NCAPD3: variants seen among roughly 807,000 people sequenced by gnomAD.
The protein encoded by NCAPD3 is condensin-2 complex subunit D3.
A neutral mutation model predicts 182.9 loss-of-function variants in NCAPD3; 105 were observed. The observed-to-expected ratio is 0.57, with a 90% CI of 0.49 to 0.68. The LOEUF (loss-of-function observed/expected upper bound fraction) is 0.68. Among genes scored for constraint, NCAPD3 ranks in the 30% least tolerant of loss-of-function variants. The pLI, the probability that NCAPD3 is intolerant of heterozygous loss-of-function variation, is 0.00. For missense variants in NCAPD3, 1,944 were observed against 1,837.0 expected, an observed-to-expected ratio of 1.06 and a Z score of -1.07; for synonymous variants, 815 against 679.9, an observed-to-expected ratio of 1.20 and a Z score of -3.09.
intron 13 of NCAPD3, among the ~76,000 whole-genome samples, chr11:134,198,475 C>T (rs1389380051): frequency 1.3e-5 from 2 of 152,168 alleles, no homozygotes; most frequent in Non-Finnish European, 2.9e-5. Flanking sequence ...TGTATAAAAC[C>T]AAGCTGCACC....
intron 13 of NCAPD3, among the ~76,000 whole-genome samples, chr11:134,198,364 T>A (rs1944680118): frequency 7.2e-6 from 1 of 139,736 alleles, no homozygotes; most frequent in African/African-American, 2.7e-5. Context: ...ATTTAAAATC[T>A]ACCTATAAGC....
rs375883008 is a variant in NCAPD3, at chr11:134,223,954, C to T, written c.-28G>A. ...TCCCAGGGCACCGGCTCGCCGCCGC[C>T]GTGCTCAACTTTCAAAGCTCGCTCC... On this transcript the variant is annotated 5_prime_UTR_variant, in exon 1 of 35. Transcript: ENST00000534548. 6 of 1,608,394 alleles carry T rather than the reference C, an allele frequency of 3.7e-6. No homozygotes were observed. Among genetic ancestry groups the T allele is most frequent in the East Asian group, 2.2e-5 (1 of 44,634 alleles).
intron 13 of NCAPD3, among the ~76,000 whole-genome samples, chr11:134,195,163 C>G (rs765524492): frequency 1.8e-4 from 27 of 152,308 alleles, no homozygotes; most frequent in Admixed American, 9.2e-4. Context: ...TACAGTGGTA[C>G]AATCATAGCT....
intron 29 of NCAPD3, 150 bp downstream of exon 29, chr11:134,159,742 G>A (rs1339887185): frequency 1.0e-5 from 8 of 783,046 alleles, no homozygotes; most frequent in African/African-American, 5.2e-5. Context: ...AGAAAGGCAC[G>A]AGGGAGTGGC....
At chr11:134,209,993 T>C (rs1164847949) in intron 4 of NCAPD3, among the ~76,000 whole-genome samples, 2 of 151,982 alleles carry the variant, frequency 1.3e-5, no homozygotes, top group East Asian at 1.9e-4. Flanking sequence ...GAGGTGGAGG[T>C]TGCAGTGAGC....
chr11:134,176,157 G>A, intron 24 of NCAPD3, 150 bp downstream of exon 24: 1 of 625,304 alleles, frequency 1.6e-6, no homozygotes, highest in Non-Finnish European at 2.8e-6. Context: ...ATATTGCTTA[G>A]CATCTTAAAA....
At chr11:134,223,462 ATG>A (rs1418225559) in intron 1 of NCAPD3, 5 of 702,476 alleles carry the variant, frequency 7.1e-6, no homozygotes, top group Non-Finnish European at 1.3e-5. Context: ...TGATGTCTGC[ATG>A]TGAGACATCC....
At chr11:134,179,755 CTAAG>C (rs536233470) in intron 20 of NCAPD3, among the ~76,000 whole-genome samples, 106 of 152,258 alleles carry the variant, frequency 7.0e-4, no homozygotes, top group Middle Eastern at 3.4e-3. Context: ...AGTTTAACAA[CTAAG>C]TAATATTGTT....
At chr11:134,221,163 G>A (rs1938211877) in intron 1 of NCAPD3, among the ~76,000 whole-genome samples, 1 of 152,126 alleles carries the variant, frequency 6.6e-6, no homozygotes, top group Non-Finnish European at 1.5e-5. Flanking sequence ...CAATCATGTA[G>A]CATTTAAAAA....
upstream of NCAPD3, chr11:134,224,197 C>T (rs762801572): frequency 3.0e-5 from 17 of 561,994 alleles, no homozygotes; most frequent in Non-Finnish European, 5.1e-5. Context: ...TGAGTTAAAC[C>T]CTAACAGCGT....
intron 4 of NCAPD3, 94 bp downstream of exon 4, chr11:134,210,176 A>ATGATGCC: frequency 9.0e-7 from 1 of 1,105,632 alleles, no homozygotes. Context: ...GCCTATAATC[A>ATGATGCC]TGATGCCTGA....
chr11:134,160,412 G>C (rs138213932), intron 28 of NCAPD3, among the ~76,000 whole-genome samples: 2 of 152,068 alleles, frequency 1.3e-5, no homozygotes, highest in African/African-American at 4.8e-5. Flanking sequence ...CTGGCTATGT[G>C]GCAGTTAATG....
intron 13 of NCAPD3, among the ~76,000 whole-genome samples, chr11:134,200,962 G>T (rs990460005): frequency 4.6e-4 from 70 of 151,710 alleles, no homozygotes; most frequent in African/African-American, 1.6e-3. Context: ...ATAGGTGAAA[G>T]AAGTCAGACA....
chr11:134,208,870 T>G lies in NCAPD3; in HGVS notation c.876A>C (p.Gly292=). The part of the protein sequence containing the change: ...YLLCSPIHGE[G]DKVISCVFHQ... ...AGGTTCTCATCTCCTTTACCTTATC[T>G]CCTTCTCCATGAATGGGAGAGCACA... Residue 292 remains glycine, a synonymous_variant, in exon 7 of 35, where the codon GGA becomes GGC. Coordinates refer to ENST00000534548, the MANE Select transcript of NCAPD3 (RefSeq NM_015261.3). The G allele has an allele frequency of 6.2e-7, 1 of 1,610,264 alleles. No individual in the cohort carries two copies.
At position 134,156,335 on chromosome 11, in the gene NCAPD3, C is replaced by G. The variant is rs796619305; in HGVS notation, c.4252+683G>C. Among the ~76,000 whole-genome samples, 79 of 152,308 alleles carry G rather than the reference C, an allele frequency of 5.2e-4. 1 individual carries two copies. The highest frequency in any genetic ancestry group is 1.9e-3 in the African/African-American group (77 of 41,564). On this transcript the variant is annotated intron_variant, in intron 32 of 34. Transcript: ENST00000534548. ...AGCCGGGCGCAGAGCGAGGGGCACA[C>G]AGGGACACGGCGGCAGGGCCTAGCC...
chr11:134,177,909 T>G (rs1259543642), intron 22 of NCAPD3: 1 of 154,084 alleles, frequency 6.5e-6, no homozygotes, highest in Admixed American at 6.5e-5. Context: ...CTTTCTTTCT[T>G]GTTCATAGTT....
At chr11:134,206,813 A>G in intron 7 of NCAPD3, 81 bp from the exon 8 acceptor site, 3 of 1,437,890 alleles carry the variant, frequency 2.1e-6, no homozygotes, top group Non-Finnish European at 2.8e-6. Context: ...ACTGTAGTAA[A>G]CCATTTCAAG....
At chr11:134,170,935 A>T (rs1021056272) in intron 24 of NCAPD3, among the ~76,000 whole-genome samples, 2 of 152,228 alleles carry the variant, frequency 1.3e-5, no homozygotes, top group Non-Finnish European at 2.9e-5. Flanking sequence ...TTAGATTAAG[A>T]TGCACAAATC....
intron 27 of NCAPD3, among the ~76,000 whole-genome samples, chr11:134,166,812 T>A (rs1274984649): frequency 3.1e-4 from 16 of 51,896 alleles, no homozygotes; most frequent in South Asian, 8.5e-4. Flanking sequence ...TTAGGGGAGC[T>A]GCACACTCAC....
Sources: allele counts gnomAD v4.1 joint callset (sites outside exome capture counted in the v4.1 genomes callset), GRCh38; gene constraint gnomAD v4.1.1; transcripts MANE v1.5; gene names NCBI Gene and HGNC (gene_info 2026-07-23, HGNC 2026-07-21).